The following PRKN variants were observed in gnomAD, a reference collection of about 807,000 sequenced individuals.
PRKN encodes E3 ubiquitin-protein ligase parkin.
A neutral mutation model predicts 59.5 loss-of-function variants in PRKN; 56 were observed. The ratio of observed to expected loss-of-function variants is 0.94; its 90% CI spans 0.76 to 1.18. PRKN has a LOEUF of 1.18. Ranked by LOEUF, PRKN falls within the 50% of genes most tolerant of loss-of-function variation. The pLI is 0.00. For synonymous variants in PRKN, 250 were observed against 222.1 expected (o/e 1.13, Z -1.12); for missense variants, 657 against 596.4 (o/e 1.10, Z -1.06).
At chr6:162,527,386 G>A (rs1259331464) in intron 1 of PRKN, among the ~76,000 whole-genome samples, 1 of 152,086 alleles carries the variant, frequency 6.6e-6, no homozygotes, top group Non-Finnish European at 1.5e-5. Context: ...TCCAAAATAA[G>A]TACATTCGAG....
At chr6:162,347,761 T>C (rs1784465033) in intron 2 of PRKN, among the ~76,000 whole-genome samples, 1 of 152,210 alleles carries the variant, frequency 6.6e-6, no homozygotes, top group Non-Finnish European at 1.5e-5. Flanking sequence ...ATTTCTTCTT[T>C]TAAAAAGAGC....
At chr6:162,612,397 A>T (rs1053753402) in intron 1 of PRKN, among the ~76,000 whole-genome samples, 23 of 151,856 alleles carry the variant, frequency 1.5e-4, no homozygotes, top group African/African-American at 5.3e-4. Flanking sequence ...ACGAAGGTTT[A>T]GACATGTTAA....
At chr6:161,641,488 C>T (rs1783736055) in intron 7 of PRKN, among the ~76,000 whole-genome samples, 1 of 152,116 alleles carries the variant, frequency 6.6e-6, no homozygotes, top group African/African-American at 2.4e-5. Context: ...CAATCAGCTC[C>T]CCACTTTTCA....
intron 7 of PRKN, among the ~76,000 whole-genome samples, chr6:161,633,173 T>C (rs1223384756): frequency 6.6e-6 from 1 of 152,212 alleles, no homozygotes; most frequent in Non-Finnish European, 1.5e-5. Context: ...TTTGTGTGCA[T>C]GTCTGACTGC....
chr6:162,125,064 C>T (rs1038963473), intron 4 of PRKN, among the ~76,000 whole-genome samples: 2 of 152,190 alleles, frequency 1.3e-5, no homozygotes, highest in Non-Finnish European at 2.9e-5. Context: ...GGAATTCTCT[C>T]AAATGCCACC....
intron 2 of PRKN, among the ~76,000 whole-genome samples, chr6:162,402,060 G>C (rs1367383121): frequency 2.0e-5 from 3 of 151,956 alleles, no homozygotes; most frequent in African/African-American, 2.4e-5. Flanking sequence ...GACCAGCCTG[G>C]CCGACATGGC....
At chr6:162,662,217 C>T (rs193008059) in intron 1 of PRKN, among the ~76,000 whole-genome samples, 88 of 151,092 alleles carry the variant, frequency 5.8e-4, no homozygotes, top group African/African-American at 1.9e-3. Context: ...AAACCTGAAA[C>T]GGGGCAACCT....
At chr6:162,259,930 C>A (rs2128099168) in intron 3 of PRKN, among the ~76,000 whole-genome samples, 1 of 152,222 alleles carries the variant, frequency 6.6e-6, no homozygotes, top group South Asian at 2.1e-4. Flanking sequence ...AAAAGGATTC[C>A]CTCCAGTTCT....
chr6:162,402,432 GC>G (rs1014436067), intron 2 of PRKN, among the ~76,000 whole-genome samples: 2 of 151,700 alleles, frequency 1.3e-5, no homozygotes, highest in Non-Finnish European at 2.9e-5. Flanking sequence ...ACTCACAGTT[GC>G]CCCCCTACTC....
chr6:161,469,007 A>G (rs1692883307), intron 9 of PRKN, among the ~76,000 whole-genome samples: 1 of 152,116 alleles, frequency 6.6e-6, no homozygotes. Flanking sequence ...TGCATCTCCT[A>G]ATGACTCCCC....
intron 1 of PRKN, among the ~76,000 whole-genome samples, chr6:162,654,331 C>T (rs1161219947): frequency 6.6e-6 from 1 of 152,094 alleles, no homozygotes; most frequent in Non-Finnish European, 1.5e-5. Flanking sequence ...ACCAGTATCC[C>T]CATTTCATAC....
chr6:161,547,576 T>C lies in PRKN; in HGVS notation c.1083+1278A>G, dbSNP rs1464274320. ...TAGAGGATGGAACCACAGTAGGCAA[T>C]TAGCAGGCAGAAGCACATAATTTAG... On this transcript the variant is annotated intron_variant, in intron 9 of 11. Coordinates refer to ENST00000366898, the MANE Select transcript of PRKN (RefSeq NM_004562.3). The surrounding 1 kb of genome is among the most constrained non-coding windows in gnomAD (Gnocchi z 4.0). Among the ~76,000 whole-genome samples the C allele has an allele frequency of 6.6e-6, 1 of 152,192 alleles. No individual in the cohort carries two copies. Among genetic ancestry groups the C allele is most frequent in the Non-Finnish European group, 1.5e-5 (1 of 68,030 alleles).
intron 6 of PRKN, among the ~76,000 whole-genome samples, chr6:161,923,449 C>CAATA (rs1184053719): frequency 7.9e-5 from 12 of 152,066 alleles, no homozygotes; most frequent in Non-Finnish European, 1.8e-4. Flanking sequence ...CACCCTGCCT[C>CAATA]AATAAATAAA....
At chr6:162,309,221 C>T (rs947861925) in intron 2 of PRKN, among the ~76,000 whole-genome samples, 1 of 152,142 alleles carries the variant, frequency 6.6e-6, no homozygotes, top group African/African-American at 2.4e-5. Context: ...AGTGCAGTGG[C>T]ATGATCTCAG....
chr6:162,503,185 C>CA (rs1793454264), intron 1 of PRKN, among the ~76,000 whole-genome samples: 1 of 86,646 alleles, frequency 1.2e-5, no homozygotes. Context: ...TTTTTTTAGA[C>CA]AGAGTCTTGC....
chr6:162,611,404 C>T (rs1046130253), intron 1 of PRKN, among the ~76,000 whole-genome samples: 2 of 152,142 alleles, frequency 1.3e-5, no homozygotes, highest in Non-Finnish European at 2.9e-5. Flanking sequence ...AAACAACATA[C>T]AACTAGCAGA....
chr6:162,627,164 A>G (rs1434024443), intron 1 of PRKN, among the ~76,000 whole-genome samples: 1 of 152,112 alleles, frequency 6.6e-6, no homozygotes, highest in East Asian at 1.9e-4. Flanking sequence ...ATGATGGACA[A>G]TTTCTAAGAG....
intron 7 of PRKN, among the ~76,000 whole-genome samples, chr6:161,658,638 G>C (rs1200368221): frequency 6.6e-6 from 1 of 152,022 alleles, no homozygotes. Flanking sequence ...TGGAGCTTGG[G>C]GACATGCGAA....
intron 5 of PRKN, among the ~76,000 whole-genome samples, chr6:162,002,433 T>C (rs1254040874): frequency 6.6e-6 from 1 of 152,250 alleles, no homozygotes; most frequent in East Asian, 1.9e-4. Context: ...ATTGTAAATA[T>C]AGATTTGTTC....
Sources: gnomAD v4.1 joint callset for allele counts (sites outside exome capture counted in the v4.1 genomes callset) on GRCh38, gnomAD v4.1.1 for gene constraint, Gnocchi (gnomAD v3.1) non-coding constraint, MANE v1.5 for transcripts, NCBI Gene and HGNC (gene_info 2026-07-23, HGNC 2026-07-21) for gene names.